The following SRGAP3 variants were observed in gnomAD, a reference collection of about 807,000 sequenced individuals.
SRGAP3 encodes SLIT-ROBO Rho GTPase-activating protein 3.
In SRGAP3, 39 loss-of-function variants were observed where a neutral mutation model predicts 121.1. The observed-to-expected ratio is 0.32, with a 90% confidence interval of 0.25 to 0.42. The LOEUF (loss-of-function observed/expected upper bound fraction) is 0.42. SRGAP3 is among the 10% of genes least tolerant of loss of function. The pLI, the probability that SRGAP3 is intolerant of heterozygous loss-of-function variation, is 1.00. For synonymous variants in SRGAP3, 601 were observed against 570.0 expected (o/e 1.05, Z -0.77); for missense variants, 1,213 against 1,470.6 (o/e 0.82, Z 2.86).
intron 1 of SRGAP3, among the ~76,000 whole-genome samples, chr3:9,130,009 A>G (rs1329126798): frequency 6.6e-6 from 1 of 152,032 alleles, no homozygotes; most frequent in African/African-American, 2.4e-5. Context: ...TGATCTGCCC[A>G]CCTCGGCCTC....
chr3:9,186,075 A>G (rs1951587470), intron 1 of SRGAP3, among the ~76,000 whole-genome samples: 1 of 152,176 alleles, frequency 6.6e-6, no homozygotes, highest in African/African-American at 2.4e-5. Context: ...TCAAACCCAC[A>G]AACTGTTATA....
At chr3:9,265,251 G>T (rs1241459984) in intron 3 of SRGAP3, among the ~76,000 whole-genome samples, 1 of 152,110 alleles carries the variant, frequency 6.6e-6, no homozygotes, top group East Asian at 1.9e-4. Flanking sequence ...TTAAATGTAA[G>T]ACATAAAACC....
At chr3:9,198,775 C>T (rs1367400442) in intron 1 of SRGAP3, among the ~76,000 whole-genome samples, 7 of 152,194 alleles carry the variant, frequency 4.6e-5, no homozygotes, top group Admixed American at 2.0e-4. Context: ...GCAAACGGGG[C>T]TAGGACTGTC....
intron 17 of SRGAP3, among the ~76,000 whole-genome samples, chr3:9,011,759 T>C (rs913764157): frequency 9.2e-5 from 14 of 152,176 alleles, no homozygotes; most frequent in African/African-American, 2.9e-4. Flanking sequence ...TAACCATTTG[T>C]TGAATGAATG....
Position 9,124,761 on chromosome 3 carries a change from G to A in SRGAP3, c.224C>T (p.Ser75Phe), listed in dbSNP as rs201463303. 1.9e-6 allele frequency: 3 copies of A among 1,614,160 alleles called. No homozygotes were observed. Among genetic ancestry groups the A allele is most frequent in the East Asian group, 2.2e-5 (1 of 44,874 alleles). Reference sequence around the variant, plus strand: ...CTCCCGGGAGCTGCGGATTTTGGAGGAGAAGCGCTCAGCCAGCTTCTCCAG... The same window carrying A: ...CTCCCGGGAGCTGCGGATTTTGGAGAAGAAGCGCTCAGCCAGCTTCTCCAG... ...RSLEKLAERF[S>F]SKIRSSREHQ... Residue 75 changes from serine (S) to phenylalanine (F), a missense_variant, in exon 2 of 22, where the codon TCC (serine) becomes TTC (phenylalanine). Around this residue, in one of 2 missense-constraint regions of SRGAP3, gnomAD observed 793 missense variants for 1,032.9 expected, o/e 0.77. Coordinates refer to ENST00000383836, the MANE Select transcript of SRGAP3 (RefSeq NM_014850.4).
intron 3 of SRGAP3, among the ~76,000 whole-genome samples, chr3:9,097,178 A>G (rs1377043280): frequency 6.6e-6 from 1 of 151,430 alleles, no homozygotes; most frequent in Non-Finnish European, 1.5e-5. Flanking sequence ...TTCTGTAGAG[A>G]TGCGGTATTG....
intron 1 of SRGAP3, among the ~76,000 whole-genome samples, chr3:9,196,286 T>A (rs1277222948): frequency 6.6e-6 from 1 of 152,148 alleles, no homozygotes; most frequent in Non-Finnish European, 1.5e-5. Flanking sequence ...GAGGGGGCGT[T>A]TCCATGGCTA....
At chr3:9,214,324 G>T (rs7618381) in intron 1 of SRGAP3, among the ~76,000 whole-genome samples, 2 of 152,034 alleles carry the variant, frequency 1.3e-5, no homozygotes, top group Non-Finnish European at 2.9e-5. Context: ...CAGTCATATG[G>T]GGCAGGTAGC....
At chr3:8,987,858 C>T (rs1009201602) in intron 21 of SRGAP3, among the ~76,000 whole-genome samples, 3 of 152,114 alleles carry the variant, frequency 2.0e-5, no homozygotes, top group Non-Finnish European at 4.4e-5. Flanking sequence ...GTGACACAGC[C>T]GGCTTTCCTG....
Position 9,110,924 on chromosome 3 carries a change from G to A in SRGAP3, c.261-6082C>T, listed in dbSNP as rs572108045. On this transcript the variant is annotated intron_variant, in intron 2 of 21. Transcript: ENST00000383836. ...AGAAAGCCACCTGGACGTGGGCATG[G>A]GTGTTCACCGGCGTCTGCCATGCTA... 1.2e-4 allele frequency among the ~76,000 whole-genome samples: 19 copies of A among 152,338 alleles called. 1 individual carries two copies. The highest frequency in any genetic ancestry group is 1.2e-3 in the South Asian group (6 of 4,824).
intron 9 of SRGAP3, among the ~76,000 whole-genome samples, chr3:9,052,249 C>G (rs111445719): frequency 2.0e-5 from 3 of 152,122 alleles, no homozygotes; most frequent in Non-Finnish European, 4.4e-5. Context: ...TCTGGGTGGC[C>G]CCAGAGAACA....
chr3:9,359,057 C>A (rs751732459), intron 1 of SRGAP3, among the ~76,000 whole-genome samples: 1 of 152,124 alleles, frequency 6.6e-6, no homozygotes, highest in African/African-American at 2.4e-5. Context: ...GACTTGGATC[C>A]TGGCAAAACA....
At chr3:9,313,308 T>G (rs761285253) in intron 3 of SRGAP3, among the ~76,000 whole-genome samples, 14 of 152,228 alleles carry the variant, frequency 9.2e-5, no homozygotes, top group Non-Finnish European at 1.5e-4. Context: ...AGTCTTCACT[T>G]CCAAGTCCAT....
chr3:9,064,244 G>A (rs1385654418), intron 5 of SRGAP3, 152 bp downstream of exon 5: 3 of 1,021,100 alleles, frequency 2.9e-6, no homozygotes, highest in South Asian at 1.6e-5. Context: ...CAAAAGAGGA[G>A]ATGCTGGCTA....
intron 1 of SRGAP3, among the ~76,000 whole-genome samples, chr3:9,134,084 G>A (rs928003652): frequency 1.3e-5 from 2 of 152,198 alleles, no homozygotes; most frequent in Admixed American, 6.5e-5. Flanking sequence ...CATTAGGAAC[G>A]CCAGCAACTT....
At chr3:9,277,308 T>C (rs1954603201) in intron 3 of SRGAP3, among the ~76,000 whole-genome samples, 2 of 151,950 alleles carry the variant, frequency 1.3e-5, no homozygotes, top group South Asian at 4.2e-4. Flanking sequence ...TTCTAAATAT[T>C]TGTATACCAG....
At chr3:8,987,734 TTTAAGAAAGG>T (rs1188872408) in intron 21 of SRGAP3, among the ~76,000 whole-genome samples, 4 of 150,994 alleles carry the variant, frequency 2.6e-5, no homozygotes, top group Non-Finnish European at 5.9e-5. Context: ...CACCGGCAAC[TTTAAGAAAGG>T]GTGTTTTGTG....
rs145683356 is a variant in SRGAP3 at position 8,996,514 on chromosome 3, AC to A, written c.2228-1992del. 2.4e-3 allele frequency among the ~76,000 whole-genome samples: 370 copies of A among 152,332 alleles called. 1 individual carries two copies. The highest frequency in any genetic ancestry group is 4.5e-3 in the Non-Finnish European group (304 of 68,032). ...GTCAGCTTCCCCAGCTAGCTACCCG[AC>A]AAATGTCTTTAAATGCTATTCTAAC... is the stretch of plus-strand genomic sequence containing the variant. On this transcript the variant is annotated intron_variant, in intron 18 of 21. Transcript: ENST00000383836.
intron 2 of SRGAP3, among the ~76,000 whole-genome samples, chr3:9,123,577 CA>C (rs1949102279): frequency 6.6e-6 from 1 of 151,702 alleles, no homozygotes. Context: ...CGTGGTGGTG[CA>C]CGTGGAATCT....
Sources: gnomAD v4.1 joint callset for allele counts (sites outside exome capture counted in the v4.1 genomes callset) on GRCh38, gnomAD v4.1.1 for gene constraint, gnomAD v4.1.1 regional missense constraint, MANE v1.5 for transcripts, NCBI Gene and HGNC (gene_info 2026-07-23, HGNC 2026-07-21) for gene names.